The following ITPKB variants were observed in gnomAD, a reference collection of about 807,000 sequenced individuals.
The protein encoded by ITPKB is IP3 3-kinase B.
In ITPKB, 13 loss-of-function variants were observed where a neutral mutation model predicts 69.4. The observed-to-expected ratio is 0.19, with a 90% confidence interval of 0.12 to 0.30. ITPKB has a LOEUF of 0.30. Among genes scored for constraint, ITPKB ranks in the 10% least tolerant of loss-of-function variants. The pLI is 1.00. For synonymous variants in ITPKB, 584 were observed against 513.7 expected (o/e 1.14, Z -1.85); for missense variants, 1,240 against 1,250.5 (o/e 0.99, Z 0.13).
At position 226,641,909 on chromosome 1, in the gene ITPKB, C is replaced by T. The variant is rs971730011; in HGVS notation, c.2451+12G>A. 14 of 1,608,912 alleles carry T rather than the reference C, an allele frequency of 8.7e-6. No individual in the cohort carries two copies. The highest frequency in any genetic ancestry group is 5.3e-5 in the African/African-American group (4 of 74,880). ...GGTGGGGCCCGAGGCTGCCCTCACT[C>T]GCCGGCCTCACCTTGATTCCCTCGA... On this transcript the variant is annotated intron_variant, in intron 5 of 7. Coordinates refer to ENST00000429204, the MANE Select transcript of ITPKB (RefSeq NM_002221.4). This position sits in a 1 kb window ranked among gnomAD's most constrained non-coding sequence, Gnocchi z 4.6.
intron 2 of ITPKB, among the ~76,000 whole-genome samples, chr1:226,664,451 A>G (rs900383441): frequency 3.4e-5 from 5 of 148,282 alleles, no homozygotes; most frequent in African/African-American, 1.2e-4. Flanking sequence ...GCCGGGCAGT[A>G]CACGTATCGT....
intron 2 of ITPKB, among the ~76,000 whole-genome samples, chr1:226,664,336 C>T (rs1159610257): frequency 6.6e-6 from 1 of 152,210 alleles, no homozygotes; most frequent in Non-Finnish European, 1.5e-5. Context: ...GGATTTAGGT[C>T]TCACTAAGCT....
intron 2 of ITPKB, among the ~76,000 whole-genome samples, chr1:226,674,385 G>C (rs1172859035): frequency 6.6e-6 from 1 of 152,114 alleles, no homozygotes; most frequent in Non-Finnish European, 1.5e-5. Context: ...TTTTAGTAGA[G>C]ATGGGGTTTC....
intron 2 of ITPKB, among the ~76,000 whole-genome samples, chr1:226,734,144 C>T (rs747174057): frequency 1.8e-4 from 28 of 152,200 alleles, no homozygotes; most frequent in African/African-American, 6.5e-4. Context: ...CCAGGTGGAC[C>T]GCTTCCCCCT....
At chr1:226,698,745 G>T (rs1399358532) in intron 2 of ITPKB, among the ~76,000 whole-genome samples, 1 of 152,232 alleles carries the variant, frequency 6.6e-6, no homozygotes, top group African/African-American at 2.4e-5. Context: ...AGGCCACTGG[G>T]CTAGAGCTCA....
At chr1:226,679,878 GTGAAAC>G (rs1656035485) in intron 2 of ITPKB, among the ~76,000 whole-genome samples, 1 of 152,328 alleles carries the variant, frequency 6.6e-6, no homozygotes, top group Admixed American at 6.5e-5. Flanking sequence ...CTTTTCACCA[GTGAAAC>G]TGCCCTCACT....
intron 2 of ITPKB, among the ~76,000 whole-genome samples, chr1:226,721,191 A>C (rs1462274029): frequency 6.7e-6 from 1 of 150,168 alleles, no homozygotes; most frequent in Non-Finnish European, 1.5e-5. Flanking sequence ...TAAAAAAAAA[A>C]TACAAAATTA....
intron 2 of ITPKB, among the ~76,000 whole-genome samples, chr1:226,703,925 G>A (rs942915069): frequency 2.8e-4 from 42 of 152,070 alleles, no homozygotes; most frequent in African/African-American, 9.2e-4. Context: ...ACCCCCAAGA[G>A]TAACAACTTT....
At chr1:226,636,598 A>G (rs982495470) in intron 7 of ITPKB, among the ~76,000 whole-genome samples, 2 of 152,150 alleles carry the variant, frequency 1.3e-5, no homozygotes, top group African/African-American at 4.8e-5. Flanking sequence ...GGCTGAGGCC[A>G]CCTCCATGTA....
intron 2 of ITPKB, among the ~76,000 whole-genome samples, chr1:226,723,273 T>C (rs1179651860): frequency 3.9e-5 from 6 of 152,124 alleles, no homozygotes; most frequent in African/African-American, 1.4e-4. Flanking sequence ...GTAGGTTCTC[T>C]GTGGCTCACT....
Position 226,682,886 on chromosome 1 carries a change from G to A in ITPKB, c.1933-34115C>T, listed in dbSNP as rs6426535. Among the ~76,000 whole-genome samples, 167 of 152,270 alleles carry A rather than the reference G, an allele frequency of 1.1e-3. 1 individual carries two copies. Among genetic ancestry groups the A allele is most frequent in the African/African-American group, 4.0e-3 (165 of 41,532 alleles). ...TGCAAGTTGAGCCTCAGGAGGAGGTGTATATTTACAGGGAGAGTCTAGCTG... is the reference window on the plus strand; with the variant it reads ...TGCAAGTTGAGCCTCAGGAGGAGGTATATATTTACAGGGAGAGTCTAGCTG... On this transcript the variant is annotated intron_variant, in intron 2 of 7. Transcript: ENST00000429204.
chr1:226,636,003 C>T (rs1035814092), intron 7 of ITPKB, among the ~76,000 whole-genome samples: 8 of 152,204 alleles, frequency 5.3e-5, no homozygotes, highest in Admixed American at 3.9e-4. Flanking sequence ...GCTTCCTCTT[C>T]GCAGGTGGAA....
Position 226,666,268 on chromosome 1 carries a change from C to T in ITPKB, c.1933-17497G>A, listed in dbSNP as rs183234361. Reference sequence around the variant, plus strand: ...TCGTGGCAGCAATGACTCAGGCCACCCAATCAGGGCAAGACTCAGCAAGGT... The same window carrying T: ...TCGTGGCAGCAATGACTCAGGCCACTCAATCAGGGCAAGACTCAGCAAGGT... On this transcript the variant is annotated intron_variant, in intron 2 of 7. Transcript: ENST00000429204. Among the ~76,000 whole-genome samples the T allele has an allele frequency of 1.7e-3, 254 of 152,270 alleles. 2 individuals are homozygous for T. The highest frequency in any genetic ancestry group is 5.9e-3 in the African/African-American group (247 of 41,548).
Position 226,736,802 on chromosome 1 carries a change from C to T in ITPKB, c.657G>A (p.Arg219=), listed in dbSNP as rs757777418. Reference sequence around the variant, plus strand: ...AGGAGCATAGGCTGGGCCCTCCTTTCCTCCCGGAGTCGGTTCCTGAAGTCT... The same window carrying T: ...AGGAGCATAGGCTGGGCCCTCCTTTTCTCCCGGAGTCGGTTCCTGAAGTCT... The part of the protein sequence containing the change: ...CPETSGTDSG[R]KGGPSLCSSQ... Residue 219 remains arginine, a synonymous_variant, in exon 2 of 8, where the codon AGG becomes AGA. Transcript: ENST00000429204. 4.3e-6 allele frequency: 7 copies of T among 1,613,086 alleles called. No individual in the cohort carries two copies. The Admixed American group carries it at 6.7e-5, about 15-fold the overall frequency.
At chr1:226,727,306 G>GA (rs1049452169) in intron 2 of ITPKB, among the ~76,000 whole-genome samples, 123 of 152,298 alleles carry the variant, frequency 8.1e-4, no homozygotes, top group African/African-American at 2.9e-3. Flanking sequence ...TTGCCATAGA[G>GA]AAGTTGAAAA....
Position 226,737,382 on chromosome 1 carries a change from G to C in ITPKB, c.77C>G (p.Pro26Arg), listed in dbSNP as rs777113953. The stretch of plus-strand genomic sequence containing the variant: ...GGGCGTCTCGCTGCCACTGGGCCCC[G>C]GGCCGCCGCCGCTCTTCATCTCGTT... ...SANEMKSGGG[P>R]GPSGSETPPP... Residue 26 changes from proline to arginine, a missense_variant, in exon 2 of 8, where the codon CCG becomes CGG. Transcript: ENST00000429204. 1.2e-6 allele frequency: 2 copies of C among 1,609,590 alleles called. No homozygotes were observed. Among genetic ancestry groups the C allele is most frequent in the South Asian group, 1.1e-5 (1 of 91,036 alleles).
chr1:226,710,815 CT>C (rs985515090), intron 2 of ITPKB, among the ~76,000 whole-genome samples: 6 of 152,226 alleles, frequency 3.9e-5, no homozygotes, highest in African/African-American at 4.8e-5. Flanking sequence ...ACCCAGGCCC[CT>C]GATGGGATCA....
intron 2 of ITPKB, among the ~76,000 whole-genome samples, chr1:226,690,020 T>C (rs1424708903): frequency 4.6e-5 from 7 of 152,222 alleles, no homozygotes; most frequent in Admixed American, 4.6e-4. Flanking sequence ...CTACCACTGA[T>C]GGGCATTTGG....
chr1:226,639,071 T>TTC (rs1553316191), intron 6 of ITPKB, among the ~76,000 whole-genome samples: 37 of 148,838 alleles, frequency 2.5e-4, no homozygotes, highest in Middle Eastern at 3.5e-3. Flanking sequence ...TTTTTTTTTT[T>TTC]TCCCAGACAG....
Sources: gnomAD v4.1 joint callset for allele counts (sites outside exome capture counted in the v4.1 genomes callset) on GRCh38, gnomAD v4.1.1 for gene constraint, Gnocchi (gnomAD v3.1) non-coding constraint, MANE v1.5 for transcripts, NCBI Gene and HGNC (gene_info 2026-07-23, HGNC 2026-07-21) for gene names.